Variants in PAN3 observed in about 807,000 individuals in gnomAD.
PAN3 encodes poly(A) specific ribonuclease subunit PAN3, also known as PAN2-PAN3 deadenylation complex subunit PAN3.
PAN3 carries 19 observed loss-of-function variants against 96.2 expected under a neutral mutation model. The observed-to-expected ratio is 0.20, with a 90% confidence interval of 0.14 to 0.29. The LOEUF (loss-of-function observed/expected upper bound fraction) is 0.29. PAN3 is among the 10% of genes least tolerant of loss of function. PAN3 has a pLI of 1.00. For missense variants in PAN3, 882 were observed against 1,108.1 expected (o/e 0.80, Z 2.90); for synonymous variants, 433 against 406.6 (o/e 1.06, Z -0.78).
In PAN3 at chr13:28,235,728, T is replaced by C. The variant is rs577707544; in HGVS notation, c.1000+15350T>C. Among the ~76,000 whole-genome samples, 357 of 131,622 alleles carry C rather than the reference T, an allele frequency of 2.7e-3. 2 individuals are homozygous for C. The highest frequency in any genetic ancestry group is 0.011 in the African/African-American group (315 of 27,786). 86.3% of individuals were successfully genotyped at this position (131,622 alleles called of 152,430 possible). ...ACACACACACACACACACACATATA[T>C]ATATATATGTATTTATTTTAGAGAT... On this transcript the variant is annotated intron_variant, in intron 6 of 18. Transcript: ENST00000380958.
intron 7 of PAN3, among the ~76,000 whole-genome samples, chr13:28,259,951 T>C (rs570226339): frequency 6.6e-6 from 1 of 152,328 alleles, no homozygotes; most frequent in East Asian, 1.9e-4. Flanking sequence ...ATATTATTTT[T>C]AATATGAATT....
chr13:28,282,904 A>ATTTG (rs1868470727), intron 17 of PAN3, among the ~76,000 whole-genome samples: 1 of 151,748 alleles, frequency 6.6e-6, no homozygotes, highest in East Asian at 1.9e-4. Flanking sequence ...TTATTTATTT[A>ATTTG]TTTTGACTTA....
At chr13:28,187,511 T>G (rs1457934684) in intron 4 of PAN3, among the ~76,000 whole-genome samples, 2 of 152,164 alleles carry the variant, frequency 1.3e-5, no homozygotes, top group African/African-American at 4.8e-5. Context: ...TCCAACTGAT[T>G]TTATTTTTGG....
At chr13:28,290,832 T>C (rs184553220) in intron 18 of PAN3, among the ~76,000 whole-genome samples, 78 of 152,298 alleles carry the variant, frequency 5.1e-4, no homozygotes, top group Middle Eastern at 6.8e-3. Flanking sequence ...TTTTAGAGCA[T>C]AGTATCAGAG....
chr13:28,288,195 A>G, intron 18 of PAN3, 73 bp downstream of exon 18: 2 of 1,325,938 alleles, frequency 1.5e-6, no homozygotes, highest in Non-Finnish European at 2.1e-6. Context: ...TTCTACAAAT[A>G]CTAGGAAACT....
intron 1 of PAN3, among the ~76,000 whole-genome samples, chr13:28,161,509 T>A (rs1175178857): frequency 6.6e-6 from 1 of 152,186 alleles, no homozygotes; most frequent in East Asian, 1.9e-4. Flanking sequence ...TCTTTAATTA[T>A]ATCTGCAGTG....
intron 5 of PAN3, among the ~76,000 whole-genome samples, chr13:28,197,908 T>C (rs966876536): frequency 6.6e-6 from 1 of 152,190 alleles, no homozygotes; most frequent in Non-Finnish European, 1.5e-5. Flanking sequence ...TTTTTCTGTT[T>C]TCAATTTTGT....
intron 4 of PAN3, among the ~76,000 whole-genome samples, chr13:28,196,238 A>G (rs1223870141): frequency 2.0e-5 from 3 of 152,090 alleles, no homozygotes; most frequent in Non-Finnish European, 4.4e-5. Context: ...ATGAGTAAAC[A>G]TATATTTTCT....
At chr13:28,215,125 C>G (rs939558979) in intron 5 of PAN3, 18 of 767,586 alleles carry the variant, frequency 2.3e-5, no homozygotes, top group South Asian at 2.9e-5. Flanking sequence ...ATGCTGGAGC[C>G]AAGTGCTAAC....
intron 9 of PAN3, among the ~76,000 whole-genome samples, chr13:28,262,030 G>A (rs1361542539): frequency 6.6e-6 from 1 of 152,122 alleles, no homozygotes; most frequent in African/African-American, 2.4e-5. Context: ...AGCAGGAGAG[G>A]ATGGTAATTA....
intron 17 of PAN3, among the ~76,000 whole-genome samples, chr13:28,282,400 A>G (rs948837192): frequency 6.6e-6 from 1 of 151,950 alleles, no homozygotes; most frequent in Non-Finnish European, 1.5e-5. Context: ...CGAAAGACTC[A>G]TTTAGTGTCT....
intron 5 of PAN3, among the ~76,000 whole-genome samples, chr13:28,209,311 T>C (rs554735616): frequency 5.3e-5 from 8 of 152,352 alleles, no homozygotes; most frequent in Middle Eastern, 3.4e-3. Context: ...AGATAACTTG[T>C]CTGATATATT....
intron 4 of PAN3, among the ~76,000 whole-genome samples, chr13:28,194,799 A>T (rs1440193696): frequency 6.6e-6 from 1 of 151,976 alleles, no homozygotes; most frequent in African/African-American, 2.4e-5. Flanking sequence ...GTAAGTGTCT[A>T]ATTAGGGTTA....
intron 5 of PAN3, chr13:28,215,355 G>A: frequency 1.3e-6 from 1 of 751,688 alleles, no homozygotes; most frequent in African/African-American, 1.7e-5. Context: ...GGTCACCTTT[G>A]CTCCAGTCAA....
chr13:28,241,503 G>GTCTC (rs1238926060), intron 6 of PAN3, among the ~76,000 whole-genome samples: 6 of 152,154 alleles, frequency 3.9e-5, no homozygotes. Flanking sequence ...AATAAAGCTT[G>GTCTC]TCTCTGAAGC....
At chr13:28,219,653 A>G (rs955275485) in intron 5 of PAN3, among the ~76,000 whole-genome samples, 2 of 152,230 alleles carry the variant, frequency 1.3e-5, no homozygotes, top group African/African-American at 2.4e-5. Context: ...TTTCAGTGTA[A>G]CAAGTCACGC....
intron 1 of PAN3, among the ~76,000 whole-genome samples, chr13:28,142,398 G>A (rs1271054118): frequency 6.6e-6 from 1 of 152,036 alleles, no homozygotes; most frequent in Non-Finnish European, 1.5e-5. Flanking sequence ...GAACTCCTGG[G>A]CTCTAGCAAT....
At chr13:28,261,842 A>AAG (rs1885757820) in intron 9 of PAN3, among the ~76,000 whole-genome samples, 1 of 149,678 alleles carries the variant, frequency 6.7e-6, no homozygotes, top group South Asian at 2.1e-4. Flanking sequence ...CAAAAAAAAA[A>AAG]AAAAAAAAAG....
At chr13:28,211,370 T>C (rs1162859524) in intron 5 of PAN3, among the ~76,000 whole-genome samples, 1 of 152,206 alleles carries the variant, frequency 6.6e-6, no homozygotes, top group African/African-American at 2.4e-5. Context: ...AATAATTGTA[T>C]TGGAGAAATA....
Sources: allele counts gnomAD v4.1 joint callset (sites outside exome capture counted in the v4.1 genomes callset), GRCh38; gene constraint gnomAD v4.1.1; transcripts MANE v1.5; gene names NCBI Gene and HGNC (gene_info 2026-07-23, HGNC 2026-07-21).